TMEM131: variants seen among roughly 807,000 people sequenced by gnomAD.
TMEM131 encodes the protein transmembrane protein 131.
In TMEM131, 66 loss-of-function variants were observed where a neutral mutation model predicts 211.6. The ratio of observed to expected loss-of-function variants is 0.31; its 90% CI spans 0.26 to 0.38. TMEM131 has a LOEUF of 0.38. Ranked by LOEUF, TMEM131 falls within the 10% of genes least tolerant of loss-of-function variation. The pLI, the probability that TMEM131 is intolerant of heterozygous loss-of-function variation, is 1.00. For synonymous variants in TMEM131, 844 were observed against 841.3 expected, an observed-to-expected ratio of 1.00 and a Z score of -0.06; for missense variants, 2,036 against 2,299.3, an observed-to-expected ratio of 0.89 and a Z score of 2.34.
intron 2 of TMEM131, among the ~76,000 whole-genome samples, chr2:97,922,761 A>G (rs1183575031): frequency 1.3e-5 from 2 of 152,194 alleles, no homozygotes; most frequent in Non-Finnish European, 2.9e-5. Flanking sequence ...AGTAACTAGG[A>G]GAGAGCTTGA....
At chr2:97,904,909 C>G (rs1676006278) in intron 3 of TMEM131, among the ~76,000 whole-genome samples, 1 of 151,968 alleles carries the variant, frequency 6.6e-6, no homozygotes, top group African/African-American at 2.4e-5. Flanking sequence ...CCTTACAACT[C>G]AATTCTTCCA....
intron 11 of TMEM131, among the ~76,000 whole-genome samples, chr2:97,820,854 TAA>T (rs369311007): frequency 1.3e-4 from 18 of 135,940 alleles, no homozygotes; most frequent in Admixed American, 2.9e-4. Context: ...AGACTCCTTC[TAA>T]AAAAAAAAAA....
intron 17 of TMEM131, among the ~76,000 whole-genome samples, chr2:97,811,891 GA>G (rs1187035651): frequency 9.2e-5 from 14 of 152,152 alleles, no homozygotes; most frequent in Admixed American, 3.3e-4. Context: ...GGTGAGTGCT[GA>G]AACTAATAAA....
intron 32 of TMEM131, 57 bp from the exon 33 acceptor site, chr2:97,772,481 T>C (rs1679512982): frequency 1.3e-6 from 2 of 1,555,340 alleles, no homozygotes; most frequent in Non-Finnish European, 1.7e-6. Flanking sequence ...CTGAAATTAG[T>C]TCCATTTTAA....
intron 2 of TMEM131, among the ~76,000 whole-genome samples, chr2:97,914,356 G>A (rs918989941): frequency 1.3e-5 from 2 of 152,150 alleles, no homozygotes; most frequent in South Asian, 2.1e-4. Flanking sequence ...ACACTGGTAC[G>A]ATCCACCTGC....
In TMEM131 at chr2:97,915,684, A is replaced by G. The variant is rs143889117; in HGVS notation, c.250-6986T>C. On this transcript the variant is annotated intron_variant, in intron 2 of 40. Coordinates refer to ENST00000186436, the MANE Select transcript of TMEM131 (RefSeq NM_015348.2). ...AAATTCATCGATCTTTCCTTTATAC[A>G]TTGCACATCTGGTATTAATTCTTTG... 5.4e-3 allele frequency among the ~76,000 whole-genome samples: 818 copies of G among 152,070 alleles called. 5 individuals carry two copies. Among genetic ancestry groups the G allele is most frequent in the African/African-American group, 0.018 (762 of 41,474 alleles).
intron 1 of TMEM131, among the ~76,000 whole-genome samples, chr2:97,935,517 T>C (rs1458280175): frequency 6.6e-6 from 1 of 152,210 alleles, no homozygotes; most frequent in Non-Finnish European, 1.5e-5. Flanking sequence ...TAATAGTGAT[T>C]CTTAAATGGG....
At chr2:97,843,719 T>C (rs1683301428) in intron 6 of TMEM131, among the ~76,000 whole-genome samples, 2 of 152,184 alleles carry the variant, frequency 1.3e-5, no homozygotes, top group South Asian at 2.1e-4. Context: ...ATGACTCCTA[T>C]ATACATTAAC....
At chr2:97,951,975 G>A (rs1678340011) in intron 1 of TMEM131, among the ~76,000 whole-genome samples, 1 of 151,974 alleles carries the variant, frequency 6.6e-6, no homozygotes, top group African/African-American at 2.4e-5. Flanking sequence ...TGACCAACAT[G>A]GTGAAACCCC....
intron 1 of TMEM131, among the ~76,000 whole-genome samples, chr2:97,964,237 G>A (rs190276124): frequency 3.3e-5 from 5 of 152,330 alleles, no homozygotes; most frequent in African/African-American, 7.2e-5. Context: ...AAATACTGCT[G>A]TAATACAATT....
intron 3 of TMEM131, among the ~76,000 whole-genome samples, chr2:97,896,839 C>G (rs1207489556): frequency 6.6e-6 from 1 of 151,874 alleles, no homozygotes; most frequent in Non-Finnish European, 1.5e-5. Flanking sequence ...CGTTTTCCAT[C>G]TAATCTTGAA....
At chr2:97,901,573 T>C (rs1465985685) in intron 3 of TMEM131, among the ~76,000 whole-genome samples, 2 of 152,242 alleles carry the variant, frequency 1.3e-5, no homozygotes, top group East Asian at 1.9e-4. Context: ...AATAGGTATA[T>C]ATTAAACACA....
chr2:97,868,781 T>TA (rs554306584), intron 4 of TMEM131, among the ~76,000 whole-genome samples: 12 of 152,316 alleles, frequency 7.9e-5, no homozygotes, highest in African/African-American at 2.2e-4. Context: ...TATTTGGAGT[T>TA]AGACAGTAGA....
chr2:97,791,721 G>A (rs1477541105), intron 31 of TMEM131, among the ~76,000 whole-genome samples: 3 of 152,176 alleles, frequency 2.0e-5, no homozygotes, highest in African/African-American at 4.8e-5. Context: ...AAGAGTATAC[G>A]TTCTTTTAAG....
chr2:97,777,537 T>C (rs896293915), intron 31 of TMEM131, among the ~76,000 whole-genome samples: 2 of 152,234 alleles, frequency 1.3e-5, no homozygotes, highest in Non-Finnish European at 2.9e-5. Flanking sequence ...CTGTGGCCCA[T>C]AAAGCCTCAA....
intron 1 of TMEM131, among the ~76,000 whole-genome samples, chr2:97,992,752 A>T (rs1456799215): frequency 6.6e-6 from 1 of 152,222 alleles, no homozygotes; most frequent in South Asian, 2.1e-4. Context: ...TATATATTTT[A>T]AAAATATATT....
At chr2:97,762,866 A>C (rs913384048) in intron 35 of TMEM131, 1 of 152,256 alleles carries the variant, frequency 6.6e-6, no homozygotes, top group African/African-American at 2.4e-5. Flanking sequence ...AATTAAAACA[A>C]AAAATTTCAG....
intron 31 of TMEM131, among the ~76,000 whole-genome samples, chr2:97,787,919 T>G (rs1343926815): frequency 2.0e-5 from 3 of 152,178 alleles, no homozygotes; most frequent in Non-Finnish European, 4.4e-5. Flanking sequence ...CTTAGTCTCC[T>G]AACATTCCTT....
chr2:97,938,675 G>A lies in TMEM131; in HGVS notation c.188-11188C>T, dbSNP rs1677565431. On this transcript the variant is annotated intron_variant, in intron 1 of 40. Transcript: ENST00000186436. ...ATTGAACTCAGGTCTGCACCAAGCA[G>A]ACCTAATAGACATCTACAGAACTCT... Among the ~76,000 whole-genome samples, 3 of 152,274 alleles carry A rather than the reference G, an allele frequency of 2.0e-5. No homozygotes were observed. In the South Asian group the frequency reaches 6.2e-4, roughly 32 times the overall value.
Sources: allele counts gnomAD v4.1 joint callset (sites outside exome capture counted in the v4.1 genomes callset), GRCh38; gene constraint gnomAD v4.1.1; transcripts MANE v1.5; gene names NCBI Gene and HGNC (gene_info 2026-07-23, HGNC 2026-07-21).